AGBL4: variants seen among roughly 807,000 people sequenced by gnomAD.
AGBL4 encodes the protein AGBL carboxypeptidase 4.
In AGBL4, 58 loss-of-function variants were observed where a neutral mutation model predicts 66.4. The observed-to-expected ratio is 0.87, with a 90% CI of 0.71 to 1.09. The LOEUF is 1.09. AGBL4 is among the 50% of genes least tolerant of loss of function. AGBL4 has a pLI of 0.00. For missense variants in AGBL4, 579 were observed against 631.0 expected (o/e 0.92, Z 0.88); for synonymous variants, 234 against 222.9 (o/e 1.05, Z -0.44).
intron 4 of AGBL4, among the ~76,000 whole-genome samples, chr1:49,102,031 T>TAG (rs10674266): frequency 0.038 from 5,530 of 145,790 alleles, 286 homozygotes; most frequent in African/African-American, 0.12. Context: ...GGGAGAGAGA[T>TAG]AGAGAGAGAG....
At chr1:49,577,811 T>C (rs1418029032) in intron 3 of AGBL4, among the ~76,000 whole-genome samples, 1 of 152,202 alleles carries the variant, frequency 6.6e-6, no homozygotes, top group African/African-American at 2.4e-5. Flanking sequence ...AAGTCACAAT[T>C]ACAATGCCAA....
rs1429919684 is a variant in AGBL4 at position 49,013,647 on chromosome 1, T to C, written c.594+31937A>G. Among the ~76,000 whole-genome samples the C allele has an allele frequency of 2.0e-5, 3 of 152,186 alleles. No individual in the cohort carries two copies. The South Asian group carries it at 6.2e-4, about 32-fold the overall frequency. On this transcript the variant is annotated intron_variant, in intron 5 of 13. Transcript: ENST00000371839. ...CCCACCTCTTCTGTATTCTATTTGC[T>C]GCTCCCCAATTCCCACCTCTCTGGG...
intron 4 of AGBL4, among the ~76,000 whole-genome samples, chr1:49,190,747 T>C (rs1647102523): frequency 6.6e-6 from 1 of 152,312 alleles, no homozygotes; most frequent in African/African-American, 2.4e-5. Context: ...CTTAGAATTG[T>C]ACAGGAAGGA....
chr1:49,044,675 G>A (rs12027483), intron 5 of AGBL4, among the ~76,000 whole-genome samples: 6,378 of 152,094 alleles, frequency 0.042, 174 homozygotes, highest in East Asian at 0.074. Flanking sequence ...GGATTATCTG[G>A]GTAAATCCAC....
chr1:49,978,696 T>C (rs1387649759), intron 1 of AGBL4, among the ~76,000 whole-genome samples: 1 of 152,214 alleles, frequency 6.6e-6, no homozygotes, highest in Non-Finnish European at 1.5e-5. Flanking sequence ...AGTTAAAATA[T>C]ACATTTTAAG....
chr1:49,527,231 G>A (rs1027475207), intron 3 of AGBL4: 1 of 151,800 alleles, frequency 6.6e-6, no homozygotes, highest in Admixed American at 6.6e-5. Context: ...CTTTCTCCAC[G>A]ACCATTCCTC....
chr1:49,511,453 T>G (rs1429335829), intron 3 of AGBL4, among the ~76,000 whole-genome samples: 8 of 84,138 alleles, frequency 9.5e-5, no homozygotes, highest in African/African-American at 2.9e-4. Flanking sequence ...TGGGGACTGT[T>G]GTGGGGTGGG....
At chr1:49,875,145 CTAT>C (rs965373261) in intron 1 of AGBL4, among the ~76,000 whole-genome samples, 31 of 139,640 alleles carry the variant, frequency 2.2e-4, no homozygotes, top group South Asian at 9.3e-4. Context: ...TTTATTATTA[CTAT>C]TATTATTATT....
At position 49,545,348 on chromosome 1, in the gene AGBL4, C is replaced by A. The variant is rs567459576; in HGVS notation, c.282+151965G>T. ...TCAAATAGTCTGCAAGAAACTGAAT[C>A]CTACCAAAAACCATGTGAGTTTGGA... On this transcript the variant is annotated intron_variant, in intron 3 of 13. Transcript: ENST00000371839. Among the ~76,000 whole-genome samples the A allele has an allele frequency of 1.3e-4, 20 of 152,272 alleles. No homozygotes were observed. In the South Asian group the frequency reaches 4.1e-3, roughly 32 times the overall value.
chr1:48,907,533 G>A (rs1313034691), intron 5 of AGBL4, among the ~76,000 whole-genome samples: 1 of 152,100 alleles, frequency 6.6e-6, no homozygotes, highest in Non-Finnish European at 1.5e-5. Context: ...CTGGTGGTAA[G>A]ACACCCTGAA....
At position 49,349,548 on chromosome 1, in the gene AGBL4, G is replaced by A. The variant is rs577905214; in HGVS notation, c.283-103684C>T. 2.6e-5 allele frequency among the ~76,000 whole-genome samples: 4 copies of A among 152,178 alleles called. No individual in the cohort carries two copies. The South Asian group carries it at 8.3e-4, about 32-fold the overall frequency. ...GAAGCAGCTTCCTCCTTCCAAGAGG[G>A]AACATGCTCCTTATATATATTTGTT... On this transcript the variant is annotated intron_variant, in intron 3 of 13. Transcript: ENST00000371839.
chr1:48,618,290 G>A (rs1388117480), intron 9 of AGBL4, among the ~76,000 whole-genome samples: 3 of 152,200 alleles, frequency 2.0e-5, no homozygotes, highest in Admixed American at 6.5e-5. Flanking sequence ...AATGTGCTCT[G>A]AAAACTATAC....
In AGBL4 at chr1:49,702,080, G is replaced by A. The variant is rs905576538; in HGVS notation, c.158-4643C>T. 7.2e-5 allele frequency among the ~76,000 whole-genome samples: 11 copies of A among 152,074 alleles called. No homozygotes were observed. The East Asian group carries it at 2.1e-3, about 29-fold the overall frequency. On this transcript the variant is annotated intron_variant, in intron 2 of 13. Transcript: ENST00000371839. ...TGACTAAAAATAAATATGGATATCT[G>A]AATAGATCTAAAACAAGTAGTATTA...
chr1:49,337,820 A>C (rs1645467052), intron 3 of AGBL4, among the ~76,000 whole-genome samples: 1 of 152,230 alleles, frequency 6.6e-6, no homozygotes, highest in Admixed American at 6.5e-5. Flanking sequence ...GCAAAGGCAT[A>C]CTTTGTGAGC....
intron 6 of AGBL4, among the ~76,000 whole-genome samples, chr1:48,864,105 C>T (rs953198155): frequency 4.6e-5 from 7 of 151,924 alleles, no homozygotes; most frequent in Admixed American, 4.6e-4. Context: ...TAAAAAGAGA[C>T]AACCCAATAG....
intron 4 of AGBL4, among the ~76,000 whole-genome samples, chr1:49,244,970 C>T (rs1651521881): frequency 6.6e-6 from 1 of 151,642 alleles, no homozygotes; most frequent in Non-Finnish European, 1.5e-5. Flanking sequence ...ACATAAATAA[C>T]ACAGGGCACT....
At chr1:49,858,647 C>G (rs1235469487) in intron 1 of AGBL4, among the ~76,000 whole-genome samples, 1 of 152,156 alleles carries the variant, frequency 6.6e-6, no homozygotes, top group Non-Finnish European at 1.5e-5. Flanking sequence ...AGACCACCAT[C>G]AAATAGTGAT....
At chr1:49,774,758 G>A (rs972353499) in intron 2 of AGBL4, among the ~76,000 whole-genome samples, 4 of 152,094 alleles carry the variant, frequency 2.6e-5, no homozygotes, top group African/African-American at 4.8e-5. Context: ...CAGTATAAAG[G>A]TATGAAGAAA....
At chr1:49,743,489 G>C (rs1379841044) in intron 2 of AGBL4, among the ~76,000 whole-genome samples, 1 of 152,212 alleles carries the variant, frequency 6.6e-6, no homozygotes, top group East Asian at 1.9e-4. Flanking sequence ...GTGGAAGTTA[G>C]TGTGGCGATT....
Sources: allele counts gnomAD v4.1 joint callset (sites outside exome capture counted in the v4.1 genomes callset), GRCh38; gene constraint gnomAD v4.1.1; transcripts MANE v1.5; gene names NCBI Gene and HGNC (gene_info 2026-07-23, HGNC 2026-07-21).